FILIP1L: variants seen among roughly 807,000 people sequenced by gnomAD.
FILIP1L encodes the protein filamin A-interacting protein 1-like.
In FILIP1L, 55 loss-of-function variants were observed where a neutral mutation model predicts 96.6. That is an observed-to-expected ratio of 0.57 (90% CI 0.46 to 0.71). The LOEUF is 0.71. FILIP1L is among the 30% of genes least tolerant of loss of function. The pLI is 0.00. For synonymous variants in FILIP1L, 467 were observed against 473.9 expected (o/e 0.99, Z 0.19); for missense variants, 1,304 against 1,321.2 (o/e 0.99, Z 0.20).
intron 4 of FILIP1L, among the ~76,000 whole-genome samples, chr3:99,922,806 T>G (rs998153488): frequency 6.6e-6 from 1 of 152,156 alleles, no homozygotes; most frequent in Admixed American, 6.5e-5. Context: ...CCAACCAAAC[T>G]CTCCTTTTTT....
intron 1 of FILIP1L, among the ~76,000 whole-genome samples, chr3:100,023,122 C>G (rs1046252520): frequency 2.0e-5 from 3 of 152,166 alleles, no homozygotes; most frequent in African/African-American, 7.2e-5. Context: ...ATGGAAAGAT[C>G]ACAGCTGAAA....
chr3:100,006,095 C>T (rs894650991), intron 1 of FILIP1L, among the ~76,000 whole-genome samples: 2 of 152,040 alleles, frequency 1.3e-5, no homozygotes, highest in Non-Finnish European at 2.9e-5. Flanking sequence ...AGCCCTTAGC[C>T]GTAGACCTCT....
rs1559707510 is a variant in FILIP1L at position 99,968,428 on chromosome 3, G to GAA, written c.-10-37399_-10-37398insTT. Among the ~76,000 whole-genome samples the GAA allele has an allele frequency of 9.9e-5, 14 of 141,424 alleles. No homozygotes were observed. In the East Asian group the frequency reaches 2.1e-3, roughly 21 times the overall value. 92.8% of individuals were successfully genotyped at this position (141,424 alleles called of 152,430 possible). The stretch of plus-strand genomic sequence containing the variant: ...GGTCCTGAAAAACTATGTTTTTGGG[G>GAA]GAAAAAAAAAAAAAAGACTGAATGA... On this transcript the variant is annotated intron_variant, in intron 1 of 5. Coordinates refer to ENST00000477258, the MANE Select transcript of FILIP1L (RefSeq NM_001387850.1).
intron 1 of FILIP1L, among the ~76,000 whole-genome samples, chr3:100,004,160 C>T (rs760641395): frequency 4.6e-5 from 7 of 152,128 alleles, no homozygotes; most frequent in Non-Finnish European, 7.4e-5. Context: ...GTAATTTTGA[C>T]ATAAATTGAG....
At position 99,850,461 on chromosome 3, in the gene FILIP1L, C is replaced by G. The variant is rs1235481875; in HGVS notation, c.1215G>C (p.Arg405Ser). Residue 405 changes from arginine (R) to serine (S), a missense_variant, in exon 5 of 6, where the codon AGG (arginine) becomes AGC (serine). Physicochemically the swap from Arg to Ser is moderately radical, Grantham distance 110. Transcript: ENST00000477258. ...QCRDLNKRLE[R>S]ETLQSKDFKL... ...TAAAGTCTTTACTCTGTAACGTCTCCCTTTCAAGCCTCTTATTGAGATCTC... is the reference window on the plus strand; with the variant it reads ...TAAAGTCTTTACTCTGTAACGTCTCGCTTTCAAGCCTCTTATTGAGATCTC... 1.2e-6 allele frequency: 2 copies of G among 1,613,866 alleles called. No homozygotes were observed. Among genetic ancestry groups the G allele is most frequent in the Admixed American group, 1.7e-5 (1 of 59,970 alleles).
intron 3 of FILIP1L, chr3:99,925,774 A>C (rs994355033): frequency 7.1e-6 from 6 of 841,056 alleles, no homozygotes; most frequent in Non-Finnish European, 8.6e-6. Flanking sequence ...AGGTGACCTC[A>C]TAAAGGAAGA....
chr3:99,924,859 C>T (rs1333595127), intron 3 of FILIP1L, among the ~76,000 whole-genome samples: 1 of 152,156 alleles, frequency 6.6e-6, no homozygotes, highest in African/African-American at 2.4e-5. Flanking sequence ...AGTGTTTATT[C>T]TCTTGTTAAT....
At chr3:99,985,669 A>AC (rs766050880) in intron 1 of FILIP1L, among the ~76,000 whole-genome samples, 1 of 151,644 alleles carries the variant, frequency 6.6e-6, no homozygotes, top group Non-Finnish European at 1.5e-5. Context: ...GCTCACTGCA[A>AC]CCTCCGTCTC....
intron 1 of FILIP1L, among the ~76,000 whole-genome samples, chr3:100,097,691 T>A (rs2066235031): frequency 6.6e-6 from 1 of 152,208 alleles, no homozygotes; most frequent in South Asian, 2.1e-4. Context: ...TTAGGTTATT[T>A]TCAGCACCAT....
chr3:99,968,728 TGAGAG>T (rs2094046020), intron 1 of FILIP1L, among the ~76,000 whole-genome samples: 3 of 151,790 alleles, frequency 2.0e-5, no homozygotes, highest in South Asian at 2.1e-4. Flanking sequence ...TAAGAAAAAA[TGAGAG>T]GAGAGAATTG....
chr3:99,848,839 A>T lies in FILIP1L; in HGVS notation c.2837T>A (p.Ile946Lys). The change falls in exon 5 of 6, where the codon ATA becomes AAA. Residue 946 changes from isoleucine (I) to lysine (K), a missense_variant. Physicochemically the swap from Ile to Lys is moderately radical, Grantham distance 102 (BLOSUM62 -3). Transcript: ENST00000477258. ...IPNCGTPKQR[I>K]TILQNASITP... Reference sequence around the variant, plus strand: ...TATGGAGGCGTTTTGGAGGATGGTTATCCTTTGCTTTGGCGTGCCACAGTT... The same window carrying T: ...TATGGAGGCGTTTTGGAGGATGGTTTTCCTTTGCTTTGGCGTGCCACAGTT... 4 of 1,614,080 alleles carry T rather than the reference A, an allele frequency of 2.5e-6. No individual in the cohort carries two copies. The highest frequency in any genetic ancestry group is 3.4e-6 in the Non-Finnish European group (4 of 1,180,008).
intron 4 of FILIP1L, among the ~76,000 whole-genome samples, chr3:99,853,481 T>G (rs1943805612): frequency 6.6e-6 from 1 of 152,072 alleles, no homozygotes; most frequent in African/African-American, 2.4e-5. Flanking sequence ...ATTAAAAGAG[T>G]ATTAAAAGGG....
intron 1 of FILIP1L, among the ~76,000 whole-genome samples, chr3:100,000,978 A>G (rs1245793593): frequency 1.3e-5 from 2 of 152,352 alleles, no homozygotes; most frequent in Admixed American, 6.5e-5. Context: ...TCTATAAGAT[A>G]ACCTAGTTAC....
intron 1 of FILIP1L, among the ~76,000 whole-genome samples, chr3:99,949,173 T>C (rs1313633098): frequency 6.6e-6 from 1 of 152,240 alleles, no homozygotes; most frequent in African/African-American, 2.4e-5. Context: ...GAGTGATTTA[T>C]TGTTAAGATT....
chr3:99,848,598 A>G lies in FILIP1L; in HGVS notation c.3078T>C (p.Ser1026=). ...AGACTCTGAATATCGCATGCTTGGC[A>G]CTGATTTCTGTTGGTTCTGGGGAGC... The part of the protein sequence containing the change: ...QGRSPEPTEI[S]AKHAIFRVSP... The change falls in exon 5 of 6, where the codon AGT becomes AGC. Residue 1026 remains serine, a synonymous_variant. Coordinates refer to ENST00000477258, the MANE Select transcript of FILIP1L (RefSeq NM_001387850.1). The G allele has an allele frequency of 1.2e-6, 2 of 1,614,128 alleles. No homozygotes were observed. Among genetic ancestry groups the G allele is most frequent in the South Asian group, 2.2e-5 (2 of 91,070 alleles).
At chr3:100,108,436 A>T (rs1469112015) in intron 1 of FILIP1L, among the ~76,000 whole-genome samples, 3 of 152,178 alleles carry the variant, frequency 2.0e-5, no homozygotes, top group Non-Finnish European at 4.4e-5. Context: ...ATGGCTGAGG[A>T]AACATGAGGC....
intron 4 of FILIP1L, among the ~76,000 whole-genome samples, chr3:99,859,359 T>C (rs1264013298): frequency 1.3e-5 from 2 of 152,230 alleles, no homozygotes; most frequent in Middle Eastern, 3.2e-3. Context: ...CCAAATAGTA[T>C]GATGATACCA....
chr3:99,829,175 T>G lies in FILIP1L; in HGVS notation c.*1239A>C, dbSNP rs1305947604. Among the ~76,000 whole-genome samples the G allele has an allele frequency of 6.6e-6, 1 of 152,226 alleles. No homozygotes were observed. The highest frequency in any genetic ancestry group is 1.9e-4 in the East Asian group (1 of 5,202). On this transcript the variant is annotated 3_prime_UTR_variant, in exon 6 of 6. Coordinates refer to ENST00000477258, the MANE Select transcript of FILIP1L (RefSeq NM_001387850.1). ...ACCATGAGGATTTCTTCCAGGGTCATGCTTCCAGTTTTTAGTGAAGGATCA... is the reference window on the plus strand; with the variant it reads ...ACCATGAGGATTTCTTCCAGGGTCAGGCTTCCAGTTTTTAGTGAAGGATCA...
At chr3:100,065,891 T>C (rs1184483528) in intron 1 of FILIP1L, among the ~76,000 whole-genome samples, 1 of 152,258 alleles carries the variant, frequency 6.6e-6, no homozygotes, top group East Asian at 1.9e-4. Context: ...GCTCAAAATA[T>C]GGCTCCTGGA....
Sources: gnomAD v4.1 joint callset for allele counts (sites outside exome capture counted in the v4.1 genomes callset) on GRCh38, gnomAD v4.1.1 for gene constraint, MANE v1.5 for transcripts, NCBI Gene and HGNC (gene_info 2026-07-23, HGNC 2026-07-21) for gene names.